The following FKBP14 variants were observed in gnomAD, a reference collection of about 807,000 sequenced individuals.
FKBP14 encodes peptidyl-prolyl cis-trans isomerase FKBP14.
A neutral mutation model predicts 21.6 loss-of-function variants in FKBP14; 20 were observed. The observed-to-expected ratio is 0.92, with a 90% CI of 0.65 to 1.34. FKBP14 has a LOEUF of 1.34. FKBP14 is among the 40% of genes most tolerant of loss of function. FKBP14 has a pLI of 0.00. For synonymous variants in FKBP14, 79 were observed against 86.7 expected (o/e 0.91, Z 0.49); for missense variants, 253 against 249.0 (o/e 1.02, Z -0.11).
intron 3 of FKBP14, among the ~76,000 whole-genome samples, chr7:30,017,724 A>AT (rs2127947744): frequency 6.6e-6 from 1 of 152,054 alleles, no homozygotes; most frequent in East Asian, 1.9e-4. Context: ...TTTTAAATAA[A>AT]TATCTTTCTG....
intron 3 of FKBP14, among the ~76,000 whole-genome samples, 181 bp downstream of exon 3, chr7:30,018,815 A>C (rs1003451995): frequency 5.3e-5 from 8 of 152,256 alleles, no homozygotes; most frequent in Admixed American, 1.3e-4. Context: ...TTCACTATGA[A>C]AAAGTCCACT....
chr7:30,006,181 C>G (rs1370803154), downstream of FKBP14, among the ~76,000 whole-genome samples: 1 of 138,934 alleles, frequency 7.2e-6, no homozygotes, highest in East Asian at 2.2e-4. Context: ...AAGTGCAATG[C>G]TGTGATCATA....
chr7:30,017,682 T>A (rs2127947726), intron 3 of FKBP14, among the ~76,000 whole-genome samples: 1 of 152,264 alleles, frequency 6.6e-6, no homozygotes, highest in African/African-American at 2.4e-5. Flanking sequence ...GTGGTAGGAT[T>A]ACAAGTGTGA....
At chr7:30,017,702 C>T (rs1318674717) in intron 3 of FKBP14, among the ~76,000 whole-genome samples, 1 of 152,142 alleles carries the variant, frequency 6.6e-6, no homozygotes, top group Admixed American at 6.5e-5. Context: ...AGCCACCTCA[C>T]CCAGCTAAGA....
downstream of FKBP14, among the ~76,000 whole-genome samples, chr7:30,007,500 G>C (rs891680047): frequency 1.3e-5 from 2 of 152,094 alleles, no homozygotes; most frequent in Non-Finnish European, 2.9e-5. Flanking sequence ...GAGCCACTGC[G>C]CCCAGCCCAT....
Position 30,012,679 on chromosome 7 carries a change from C to T in FKBP14, c.*2056G>A, listed in dbSNP as rs1203970935. On this transcript the variant is annotated 3_prime_UTR_variant, in exon 4 of 4. Transcript: ENST00000222803. ...GTAAATATGAATGAAAGAAGTAAAA[C>T]ACATCTGGAACCTCGCGTTGTTCAG... is the stretch of plus-strand genomic sequence containing the variant. 1.3e-5 allele frequency: 2 copies of T among 152,142 alleles called. No individual in the cohort carries two copies. The highest frequency in any genetic ancestry group is 2.9e-5 in the Non-Finnish European group (2 of 68,024). 9.4% of individuals were successfully genotyped at this position (152,142 alleles called of 1,614,324 possible). A position where few individuals can be genotyped will look rare whatever the true frequency, so the allele number is the denominator to read the frequency against.
chr7:30,020,794 TAAAATG>T (rs1790010778), intron 2 of FKBP14, among the ~76,000 whole-genome samples: 2 of 152,126 alleles, frequency 1.3e-5, no homozygotes, highest in African/African-American at 2.4e-5. Context: ...ACAATAAAGA[TAAAATG>T]AAAACATTCT....
chr7:30,007,431 A>G (rs1228645354), downstream of FKBP14, among the ~76,000 whole-genome samples: 2 of 152,014 alleles, frequency 1.3e-5, no homozygotes, highest in Non-Finnish European at 2.9e-5. Context: ...GATGGTCTCG[A>G]TCTCTTGACC....
At chr7:30,007,637 A>G (rs1475345325), downstream of FKBP14, among the ~76,000 whole-genome samples, 6 of 152,234 alleles carry the variant, frequency 3.9e-5, no homozygotes, top group African/African-American at 1.2e-4. Context: ...AAGAATGTTC[A>G]TAGAAAATAC....
At position 30,014,872 on chromosome 7, in the gene FKBP14, C is replaced by T. The variant is rs537455755; in HGVS notation, c.499G>A (p.Glu167Lys). 3 of 1,594,156 alleles carry T rather than the reference C, an allele frequency of 1.9e-6. No individual in the cohort carries two copies. The highest frequency in any genetic ancestry group is 1.4e-5 in the African/African-American group (1 of 73,818). ...KDEVKAYLKKEFEKHGAVVNE... is the reference protein window; with the variant it reads ...KDEVKAYLKKKFEKHGAVVNE... Reference sequence around the variant, plus strand: ...ACCACCGCACCATGTTTTTCAAACTCCTTCTTTAAATATGCTTTAACCTAC... The same window carrying T: ...ACCACCGCACCATGTTTTTCAAACTTCTTCTTTAAATATGCTTTAACCTAC... Residue 167 changes from glutamate to lysine, a missense_variant, in exon 4 of 4, where the codon GAG becomes AAG. Physicochemically the swap from Glu to Lys is moderately conservative, Grantham distance 56. Transcript: ENST00000222803.
At chr7:30,023,639 T>C (rs1790093705) in intron 1 of FKBP14, among the ~76,000 whole-genome samples, 1 of 152,096 alleles carries the variant, frequency 6.6e-6, no homozygotes, top group South Asian at 2.1e-4. Flanking sequence ...GGGTAACTTA[T>C]AAAGAAAAGG....
At chr7:30,009,970 G>T (rs1476481783), downstream of FKBP14, among the ~76,000 whole-genome samples, 2 of 152,096 alleles carry the variant, frequency 1.3e-5, no homozygotes, top group African/African-American at 4.8e-5. Context: ...CTGGACTCCA[G>T]CCTGGCAACA....
downstream of FKBP14, among the ~76,000 whole-genome samples, chr7:30,008,074 C>T (rs1262545943): frequency 6.6e-6 from 1 of 152,140 alleles, no homozygotes; most frequent in Non-Finnish European, 1.5e-5. Context: ...TGCAGATTCA[C>T]AGGCCCAATC....
chr7:30,008,842 G>A (rs1201418826), downstream of FKBP14, among the ~76,000 whole-genome samples: 1 of 152,070 alleles, frequency 6.6e-6, no homozygotes, highest in Non-Finnish European at 1.5e-5. Flanking sequence ...CGGGCGTGGT[G>A]GCAGGCGCCT....
In FKBP14 at chr7:30,022,671, C is replaced by T; in HGVS notation, c.343G>A (p.Gly115Arg). 1 of 1,610,942 alleles carries T rather than the reference C, an allele frequency of 6.2e-7. No homozygotes were observed. The highest frequency in any genetic ancestry group is 1.1e-5 in the South Asian group (1 of 90,340). ...IPPALGYGKE[G>R]KGKIPPESTL... ...AATACAGAAATACTATTACCTTTTC[C>T]TTCTTTTCCATAGCCCAGAGCAGGA... is the stretch of plus-strand genomic sequence containing the variant. Residue 115 changes from glycine to arginine, a missense_variant, in exon 2 of 4, where the codon GGA becomes AGA. Transcript: ENST00000222803.
chr7:30,019,121 TA>T lies in FKBP14; in HGVS notation c.351del (p.Ile119PhefsTer7). 1 of 1,568,272 alleles carries T rather than the reference TA, an allele frequency of 6.4e-7. No homozygotes were observed. Among genetic ancestry groups the T allele is most frequent in the Non-Finnish European group, 8.6e-7 (1 of 1,165,978 alleles). ...PALGYGKEGKGKIPPESTLIF... is the reference protein window; with the variant it reads ...PALGYGKEGKXKIPPESTLIF... ...ATCAGTGTACTTTCTGGGGGAATTT[TA>T]CCTGACGTGAGGAAAGAAGGCAGAA... is the stretch of plus-strand genomic sequence containing the variant. On this transcript the variant is annotated frameshift_variant and splice_region_variant, in exon 3 of 4. Coordinates refer to ENST00000222803, the MANE Select transcript of FKBP14 (RefSeq NM_017946.4). LOFTEE classifies it high-confidence loss of function.
intron 1 of FKBP14, 97 bp from the exon 2 acceptor site, chr7:30,022,913 T>A (rs1790075073): frequency 1.9e-6 from 2 of 1,068,432 alleles, no homozygotes; most frequent in East Asian, 2.6e-5. Flanking sequence ...TTTATTAGTT[T>A]AAAAATTTAT....
rs1315706954 is a variant in FKBP14 at position 30,022,661 on chromosome 7, T to G, written c.349+4A>C. The G allele has an allele frequency of 6.2e-7, 1 of 1,610,478 alleles. No individual in the cohort carries two copies. The highest frequency in any genetic ancestry group is 1.7e-5 in the Admixed American group (1 of 59,048). The stretch of plus-strand genomic sequence containing the variant: ...TAGTAAGAAAAATACAGAAATACTA[T>G]TACCTTTTCCTTCTTTTCCATAGCC... On this transcript the variant is annotated splice_donor_region_variant and intron_variant, in intron 2 of 3. Coordinates refer to ENST00000222803, the MANE Select transcript of FKBP14 (RefSeq NM_017946.4).
chr7:30,018,883 G>T, intron 3 of FKBP14, 113 bp downstream of exon 3: 3 of 1,068,342 alleles, frequency 2.8e-6, no homozygotes, highest in Non-Finnish European at 2.6e-6. Flanking sequence ...AATAAAAGTA[G>T]ATTTGAAATA....
Sources: gnomAD v4.1 joint callset for allele counts (sites outside exome capture counted in the v4.1 genomes callset) on GRCh38, gnomAD v4.1.1 for gene constraint, MANE v1.5 for transcripts, NCBI Gene and HGNC (gene_info 2026-07-23, HGNC 2026-07-21) for gene names.